AGBL1: variants seen among roughly 807,000 people sequenced by gnomAD.
AGBL1 encodes AGBL carboxypeptidase 1.
In AGBL1, 130 loss-of-function variants were observed where a neutral mutation model predicts 118.9. The ratio of observed to expected loss-of-function variants is 1.09; its 90% CI spans 0.95 to 1.26. The LOEUF (loss-of-function observed/expected upper bound fraction) is 1.26. Among genes scored for constraint, AGBL1 ranks in the 50% most tolerant of loss-of-function variants. AGBL1 has a pLI of 0.00. For synonymous variants in AGBL1, 555 were observed against 478.9 expected (o/e 1.16, Z -2.08); for missense variants, 1,584 against 1,298.1 (o/e 1.22, Z -3.38).
intron 22 of AGBL1, among the ~76,000 whole-genome samples, chr15:86,819,520 A>T (rs1195545022): frequency 6.6e-6 from 1 of 151,638 alleles, no homozygotes; most frequent in Admixed American, 6.6e-5. Context: ...AGTTCACTCA[A>T]ATGAGTGAAC....
At chr15:86,882,978 G>A (rs568362023) in intron 22 of AGBL1, among the ~76,000 whole-genome samples, 9 of 152,340 alleles carry the variant, frequency 5.9e-5, no homozygotes, top group Admixed American at 5.9e-4. Context: ...TGCCAGAGAT[G>A]TGAATTGTGA....
chr15:86,836,079 C>T (rs1401893087), intron 22 of AGBL1, among the ~76,000 whole-genome samples: 1 of 152,166 alleles, frequency 6.6e-6, no homozygotes, highest in East Asian at 1.9e-4. Flanking sequence ...AAAACCTCTC[C>T]TACCCTTGCA....
At chr15:86,247,577 A>T in intron 6 of AGBL1, 94 bp from the exon 7 acceptor site, 2 of 1,252,994 alleles carry the variant, frequency 1.6e-6, no homozygotes, top group Non-Finnish European at 2.3e-6. Flanking sequence ...CTTGATGATT[A>T]ATAAGTATCT....
At chr15:86,658,956 C>A (rs1410744446) in intron 21 of AGBL1, among the ~76,000 whole-genome samples, 1 of 152,138 alleles carries the variant, frequency 6.6e-6, no homozygotes, top group Non-Finnish European at 1.5e-5. Context: ...GTTATAGTAA[C>A]GGTCCCTTCA....
intron 18 of AGBL1, among the ~76,000 whole-genome samples, chr15:86,503,134 T>G (rs2082935931): frequency 6.6e-6 from 1 of 151,510 alleles, no homozygotes; most frequent in Admixed American, 6.6e-5. Flanking sequence ...TATAGGTCTA[T>G]TTCAATTTAA....
chr15:86,503,172 A>G (rs367842292), intron 18 of AGBL1, among the ~76,000 whole-genome samples: 71 of 151,506 alleles, frequency 4.7e-4, no homozygotes, highest in African/African-American at 1.5e-3. Flanking sequence ...TCAGTCAGGT[A>G]TGGTAAATTG....
At chr15:86,227,720 C>G (rs1209442960) in intron 6 of AGBL1, among the ~76,000 whole-genome samples, 3 of 152,202 alleles carry the variant, frequency 2.0e-5, no homozygotes, top group Non-Finnish European at 2.9e-5. Flanking sequence ...AAATGCACTT[C>G]TTGCATAATT....
At chr15:86,701,958 C>T (rs1340842338) in intron 22 of AGBL1, among the ~76,000 whole-genome samples, 1 of 150,296 alleles carries the variant, frequency 6.7e-6, no homozygotes, top group Non-Finnish European at 1.5e-5. Flanking sequence ...CTTCCCTCCA[C>T]TCCCCTTCTC....
intron 21 of AGBL1, among the ~76,000 whole-genome samples, chr15:86,583,567 A>G (rs561479797): frequency 6.6e-6 from 1 of 152,126 alleles, no homozygotes; most frequent in South Asian, 2.1e-4. Flanking sequence ...CATTTCCTTT[A>G]TCCAGTCCAC....
chr15:86,694,806 G>A (rs968141715), intron 22 of AGBL1, among the ~76,000 whole-genome samples: 8 of 152,018 alleles, frequency 5.3e-5, no homozygotes, highest in Non-Finnish European at 1.2e-4. Flanking sequence ...GTCATAAAGC[G>A]ATGCTGGATT....
intron 5 of AGBL1, among the ~76,000 whole-genome samples, chr15:86,168,048 G>A (rs1037306521): frequency 6.6e-6 from 1 of 152,100 alleles, no homozygotes; most frequent in Non-Finnish European, 1.5e-5. Flanking sequence ...CTGTTGTTTT[G>A]GTTTGCCTGA....
chr15:86,350,411 T>G (rs929585589), intron 17 of AGBL1, among the ~76,000 whole-genome samples: 2 of 152,100 alleles, frequency 1.3e-5, no homozygotes, highest in African/African-American at 4.8e-5. Context: ...CAAAGAAAGG[T>G]GATGAGCCCA....
chr15:86,851,140 A>C (rs2079402073), intron 22 of AGBL1, among the ~76,000 whole-genome samples: 1 of 152,170 alleles, frequency 6.6e-6, no homozygotes, highest in Admixed American at 6.5e-5. Context: ...ATCCCTTCTA[A>C]GTGCTTTCCT....
At chr15:86,123,355 T>A (rs1347148177) in intron 1 of AGBL1, among the ~76,000 whole-genome samples, 1 of 152,158 alleles carries the variant, frequency 6.6e-6, no homozygotes, top group East Asian at 1.9e-4. Flanking sequence ...TTCTCCTGCC[T>A]CAGCCTCCTG....
At position 86,508,005 on chromosome 15, in the gene AGBL1, C is replaced by CTT. The variant is rs397853754; in HGVS notation, c.2556-14788_2556-14787dup. ...TTTAGGAAGCCTAAAAGTGATTTGC[C>CTT]TTTTTTTTTTTTTTTTTTGAGATGG... On this transcript the variant is annotated intron_variant, in intron 18 of 22. Transcript: ENST00000614907. Among the ~76,000 whole-genome samples, 245 of 126,572 alleles carry CTT rather than the reference C, an allele frequency of 1.9e-3. 10 individuals are homozygous for CTT. The South Asian group carries it at 0.05, about 26-fold the overall frequency. 83.0% of individuals were successfully genotyped at this position (126,572 alleles called of 152,430 possible).
intron 5 of AGBL1, among the ~76,000 whole-genome samples, chr15:86,184,397 T>G (rs930089473): frequency 1.3e-5 from 2 of 152,020 alleles, no homozygotes; most frequent in African/African-American, 4.8e-5. Context: ...TCCATGGACT[T>G]TTATACACGA....
At chr15:86,562,771 C>T (rs992593349) in intron 21 of AGBL1, among the ~76,000 whole-genome samples, 8 of 152,112 alleles carry the variant, frequency 5.3e-5, no homozygotes, top group African/African-American at 9.7e-5. Context: ...TCCGTCTGGT[C>T]CTGGACTTTT....
chr15:86,891,006 A>T (rs2080044522), intron 22 of AGBL1, among the ~76,000 whole-genome samples: 1 of 152,196 alleles, frequency 6.6e-6, no homozygotes, highest in South Asian at 2.1e-4. Flanking sequence ...CATTTTCACT[A>T]TATTAATTCT....
intron 21 of AGBL1, among the ~76,000 whole-genome samples, chr15:86,629,736 A>G (rs991047874): frequency 6.7e-6 from 1 of 149,502 alleles, no homozygotes; most frequent in Non-Finnish European, 1.5e-5. Context: ...AATGCCAAAG[A>G]AACAGGAAAA....
Sources: gnomAD v4.1 joint callset for allele counts (sites outside exome capture counted in the v4.1 genomes callset) on GRCh38, gnomAD v4.1.1 for gene constraint, MANE v1.5 for transcripts, NCBI Gene and HGNC (gene_info 2026-07-23, HGNC 2026-07-21) for gene names.